PPP1R12B: variants seen among roughly 807,000 people sequenced by gnomAD.
PPP1R12B encodes protein phosphatase 1 regulatory subunit 12B.
In PPP1R12B, 76 loss-of-function variants were observed where a neutral mutation model predicts 126.1. That is an observed-to-expected ratio of 0.60 (90% CI 0.50 to 0.73). The LOEUF (loss-of-function observed/expected upper bound fraction) is 0.73, where lower values mean the gene tolerates loss of function less well. Ranked by LOEUF, PPP1R12B falls within the 30% of genes least tolerant of loss-of-function variation. The pLI is 0.00. For synonymous variants in PPP1R12B, 356 were observed against 434.7 expected, an observed-to-expected ratio of 0.82 and a Z score of 2.25; for missense variants, 1,052 against 1,205.1, an observed-to-expected ratio of 0.87 and a Z score of 1.88.
At chr1:202,429,763 G>A (rs183462361) in intron 6 of PPP1R12B, among the ~76,000 whole-genome samples, 4 of 152,284 alleles carry the variant, frequency 2.6e-5, no homozygotes, top group East Asian at 3.9e-4. Flanking sequence ...CTCAGGTAAT[G>A]TAAACTAAAG....
intron 1 of PPP1R12B, chr1:202,410,005 G>A (rs1476128730): frequency 4.0e-5 from 6 of 151,898 alleles, no homozygotes; most frequent in African/African-American, 1.5e-4. Flanking sequence ...ATTTTTTGTT[G>A]TTGAGTTTTA....
intron 18 of PPP1R12B, among the ~76,000 whole-genome samples, chr1:202,519,653 C>T (rs1025686396): frequency 6.6e-6 from 1 of 152,212 alleles, no homozygotes; most frequent in Admixed American, 6.5e-5. Flanking sequence ...ATTGTCTTCC[C>T]TACATTTCTG....
At chr1:202,526,553 A>G (rs906688809) in intron 18 of PPP1R12B, among the ~76,000 whole-genome samples, 2 of 152,106 alleles carry the variant, frequency 1.3e-5, no homozygotes, top group African/African-American at 4.8e-5. Context: ...AAGCACTATG[A>G]AGGGAGAGAG....
intron 1 of PPP1R12B, among the ~76,000 whole-genome samples, chr1:202,381,775 T>C (rs1455753758): frequency 6.6e-6 from 1 of 152,218 alleles, no homozygotes; most frequent in Non-Finnish European, 1.5e-5. Flanking sequence ...TTTACCTTTG[T>C]CCTTTCTCCT....
chr1:202,462,527 C>G (rs1289426233), intron 13 of PPP1R12B, among the ~76,000 whole-genome samples: 1 of 152,142 alleles, frequency 6.6e-6, no homozygotes, highest in Admixed American at 6.6e-5. Flanking sequence ...AGTTCTATCC[C>G]AGTTCCCAGC....
chr1:202,411,329 C>T (rs1371645393), intron 1 of PPP1R12B, among the ~76,000 whole-genome samples: 1 of 151,322 alleles, frequency 6.6e-6, no homozygotes, highest in Non-Finnish European at 1.5e-5. Context: ...TGAGAGTGTC[C>T]TACAACTCTG....
chr1:202,485,953 C>T (rs1353478464), intron 13 of PPP1R12B, among the ~76,000 whole-genome samples: 1 of 152,144 alleles, frequency 6.6e-6, no homozygotes, highest in Non-Finnish European at 1.5e-5. Context: ...ATATTCTCAG[C>T]TCACTACAAC....
chr1:202,446,256 A>ATATATATATATATATT (rs376183502), intron 12 of PPP1R12B, among the ~76,000 whole-genome samples: 2 of 54,340 alleles, frequency 3.7e-5, no homozygotes, highest in Non-Finnish European at 6.3e-5. Context: ...ATATATATAT[A>ATATATATATATATATT]TTTTTTTTTT....
rs191615270 is a variant in PPP1R12B at position 202,509,208 on chromosome 1, G to A, written c.2490+12386G>A. ...ATAACTCAGCATTGTGCCAATTCCC[G>A]ATTCTTTGTTATCAGCAACAGTTTG... On this transcript the variant is annotated intron_variant, in intron 18 of 23. Coordinates refer to ENST00000608999, the MANE Select transcript of PPP1R12B (RefSeq NM_002481.4). 1.7e-4 allele frequency among the ~76,000 whole-genome samples: 3 copies of A among 17,872 alleles called. No individual in the cohort carries two copies. The Admixed American group carries it at 2.6e-3, about 16-fold the overall frequency. 11.7% of individuals were successfully genotyped at this position (17,872 alleles called of 152,430 possible).
intron 18 of PPP1R12B, among the ~76,000 whole-genome samples, chr1:202,550,976 C>T (rs529250414): frequency 6.6e-5 from 10 of 152,264 alleles, no homozygotes; most frequent in Non-Finnish European, 1.5e-4. Context: ...AAGGGAGGTG[C>T]AGGTCTGCAT....
chr1:202,380,109 T>G (rs1047634310), intron 1 of PPP1R12B, among the ~76,000 whole-genome samples: 3 of 152,112 alleles, frequency 2.0e-5, no homozygotes, highest in Non-Finnish European at 2.9e-5. Flanking sequence ...TCCATGAACT[T>G]TTTGTTCATA....
chr1:202,441,074 T>C (rs1671544853), intron 11 of PPP1R12B, among the ~76,000 whole-genome samples: 1 of 152,170 alleles, frequency 6.6e-6, no homozygotes, highest in Non-Finnish European at 1.5e-5. Context: ...TCTGTAAAGG[T>C]AGGGTCTGAG....
At chr1:202,526,357 C>G (rs1433634565) in intron 18 of PPP1R12B, among the ~76,000 whole-genome samples, 1 of 152,092 alleles carries the variant, frequency 6.6e-6, no homozygotes, top group African/African-American at 2.4e-5. Flanking sequence ...AAGTATTTAT[C>G]TAGGAAAGTA....
At chr1:202,533,822 T>C (rs1401248658) in intron 18 of PPP1R12B, among the ~76,000 whole-genome samples, 2 of 152,240 alleles carry the variant, frequency 1.3e-5, no homozygotes, top group African/African-American at 4.8e-5. Flanking sequence ...AGATGACGTC[T>C]GCCAGGTTTC....
chr1:202,353,511 T>A (rs1270039064), intron 1 of PPP1R12B, among the ~76,000 whole-genome samples: 1 of 151,888 alleles, frequency 6.6e-6, no homozygotes, highest in Non-Finnish European at 1.5e-5. Context: ...TTTGTCTGTG[T>A]GGTTTTTTTT....
chr1:202,450,238 A>C (rs961518265), intron 13 of PPP1R12B, among the ~76,000 whole-genome samples: 10 of 152,232 alleles, frequency 6.6e-5, no homozygotes, highest in Non-Finnish European at 8.8e-5. Flanking sequence ...GAAATGAATA[A>C]TATGTGATGA....
intron 1 of PPP1R12B, among the ~76,000 whole-genome samples, chr1:202,362,659 G>GT (rs556096889): frequency 0.011 from 1,527 of 139,364 alleles, 28 homozygotes; most frequent in African/African-American, 0.039. Context: ...CAGGGTTTTT[G>GT]TTTTTTTTTT....
chr1:202,522,747 T>G (rs1410813393), intron 18 of PPP1R12B, among the ~76,000 whole-genome samples: 1 of 152,112 alleles, frequency 6.6e-6, no homozygotes, highest in Non-Finnish European at 1.5e-5. Context: ...TACCACCAAG[T>G]GAAAGCTGGC....
At chr1:202,398,876 A>G (rs1467161718) in intron 1 of PPP1R12B, among the ~76,000 whole-genome samples, 1 of 152,178 alleles carries the variant, frequency 6.6e-6, no homozygotes, top group Admixed American at 6.5e-5. Context: ...GGCTCAAAAA[A>G]GGGCTTTCAT....
Sources: gnomAD v4.1 joint callset for allele counts (sites outside exome capture counted in the v4.1 genomes callset) on GRCh38, gnomAD v4.1.1 for gene constraint, MANE v1.5 for transcripts, NCBI Gene and HGNC (gene_info 2026-07-23, HGNC 2026-07-21) for gene names.